IL1RAPL2: variants seen among roughly 807,000 people sequenced by gnomAD.
IL1RAPL2 encodes the protein X-linked interleukin-1 receptor accessory protein-like 2.
IL1RAPL2 carries 3 observed loss-of-function variants against 44.1 expected under a neutral mutation model. That is an observed-to-expected ratio of 0.07 (90% CI 0.03 to 0.18). The LOEUF is 0.18. Ranked by LOEUF, IL1RAPL2 falls within the 10% of genes least tolerant of loss-of-function variation. IL1RAPL2 has a pLI of 1.00. For missense variants in IL1RAPL2, 391 were observed against 496.4 expected, an observed-to-expected ratio of 0.79 and a Z score of 2.02; for synonymous variants, 181 against 178.8, an observed-to-expected ratio of 1.01 and a Z score of -0.10.
chrX:104,645,780 A>G (rs940932240), intron 1 of IL1RAPL2, among the ~76,000 whole-genome samples: 4 of 112,829 alleles, frequency 3.5e-5, no homozygotes, highest in Admixed American at 9.3e-5. Flanking sequence ...GAATAAATAA[A>G]TTAATGGATC....
chrX:104,733,832 G>T (rs990545658), intron 2 of IL1RAPL2, among the ~76,000 whole-genome samples: 1 of 110,612 alleles, frequency 9.0e-6, no homozygotes, highest in African/African-American at 3.3e-5. Context: ...GAAGGACACT[G>T]TGAAGAGGAT....
At chrX:104,729,869 G>A (rs188497180) in intron 2 of IL1RAPL2, among the ~76,000 whole-genome samples, 158 of 111,034 alleles carry the variant, frequency 1.4e-3, no homozygotes, top group Non-Finnish European at 2.5e-3. Flanking sequence ...AGTATTTCAC[G>A]GTGTTCATAT....
chrX:105,358,452 G>C (rs899951014), intron 5 of IL1RAPL2, among the ~76,000 whole-genome samples: 1 of 108,907 alleles, frequency 9.2e-6, no homozygotes, highest in African/African-American at 3.4e-5. Context: ...GAGGCAGGCA[G>C]GTCACTTGAG....
At chrX:105,030,094 G>T (rs960068444) in intron 2 of IL1RAPL2, among the ~76,000 whole-genome samples, 1 of 110,070 alleles carries the variant, frequency 9.1e-6, no homozygotes, top group Non-Finnish European at 1.9e-5. Context: ...CTTTTTGATG[G>T]GTTTGTTTTT....
intron 9 of IL1RAPL2, among the ~76,000 whole-genome samples, chrX:105,750,338 A>G (rs1483994196): frequency 1.1e-4 from 11 of 100,937 alleles, no homozygotes; most frequent in African/African-American, 3.7e-4. Context: ...CAGTGGTGCA[A>G]TCCTGGCTCA....
At chrX:105,698,458 T>G (rs1346330604) in intron 6 of IL1RAPL2, among the ~76,000 whole-genome samples, 1 of 111,831 alleles carries the variant, frequency 8.9e-6, no homozygotes, top group Non-Finnish European at 1.9e-5. Flanking sequence ...TAAGTAAAAT[T>G]TGAGTTGGTG....
At chrX:104,801,509 C>T (rs1312527864) in intron 2 of IL1RAPL2, among the ~76,000 whole-genome samples, 1 of 111,113 alleles carries the variant, frequency 9.0e-6, no homozygotes, top group Admixed American at 9.6e-5. Context: ...AAGTGGTACT[C>T]ATAACATCTT....
At chrX:104,983,164 C>T (rs1204431367) in intron 2 of IL1RAPL2, among the ~76,000 whole-genome samples, 1 of 109,238 alleles carries the variant, frequency 9.2e-6, no homozygotes, top group Non-Finnish European at 1.9e-5. Context: ...ACTTTCTACT[C>T]ATTGGGATGG....
At chrX:105,546,308 C>A (rs1351829623) in intron 6 of IL1RAPL2, among the ~76,000 whole-genome samples, 2 of 111,612 alleles carry the variant, frequency 1.8e-5, no homozygotes, top group Non-Finnish European at 3.8e-5. Context: ...TTCTTCAGAA[C>A]CTAATATGTA....
intron 1 of IL1RAPL2, among the ~76,000 whole-genome samples, chrX:104,581,185 T>G (rs1928337898): frequency 8.9e-6 from 1 of 112,140 alleles, no homozygotes; most frequent in Admixed American, 9.5e-5. Context: ...ATGATTTTAC[T>G]TGTTCCAATT....
intron 2 of IL1RAPL2, among the ~76,000 whole-genome samples, chrX:104,680,351 G>T (rs182460063): frequency 9.0e-6 from 1 of 111,443 alleles, no homozygotes; most frequent in Non-Finnish European, 1.9e-5. Context: ...ATGCAAAATT[G>T]TATGTGTGGG....
At chrX:105,091,764 G>C (rs757657627) in intron 2 of IL1RAPL2, among the ~76,000 whole-genome samples, 5 of 111,911 alleles carry the variant, frequency 4.5e-5, no homozygotes, top group Admixed American at 1.9e-4. Context: ...ATGAGTGCTA[G>C]AGTCATATCT....
intron 4 of IL1RAPL2, among the ~76,000 whole-genome samples, chrX:105,250,393 T>C (rs758967084): frequency 7.2e-5 from 8 of 111,201 alleles, no homozygotes; most frequent in Non-Finnish European, 1.5e-4. Flanking sequence ...CCTCCTTTAA[T>C]AACAATCTAT....
At chrX:105,298,261 C>A (rs2034669385) in intron 5 of IL1RAPL2, among the ~76,000 whole-genome samples, 1 of 111,458 alleles carries the variant, frequency 9.0e-6, no homozygotes, top group Non-Finnish European at 1.9e-5. Context: ...AACTTTGTAC[C>A]CTTTAACGAG....
intron 2 of IL1RAPL2, among the ~76,000 whole-genome samples, chrX:104,858,601 A>C (rs1219946280): frequency 2.7e-5 from 3 of 112,423 alleles, no homozygotes; most frequent in Non-Finnish European, 5.6e-5. Context: ...AAAAGAATTC[A>C]TGGATCAACT....
chrX:104,798,500 TAA>T (rs397895099), intron 2 of IL1RAPL2, among the ~76,000 whole-genome samples: 124 of 92,324 alleles, frequency 1.3e-3, no homozygotes, highest in Middle Eastern at 5.5e-3. Context: ...CTACTAAAAA[TAA>T]AAAAAAAAAA....
intron 2 of IL1RAPL2, among the ~76,000 whole-genome samples, chrX:104,711,950 G>GC (rs756490713): frequency 9.0e-6 from 1 of 111,269 alleles, no homozygotes; most frequent in South Asian, 3.7e-4. Context: ...AATCAGTGAG[G>GC]GAGGACTTGC....
rs771249461 is a variant in IL1RAPL2, at chrX:104,790,067, G to T, written c.82+131072G>T. 7.1e-5 allele frequency among the ~76,000 whole-genome samples: 8 copies of T among 112,251 alleles called. No individual in the cohort carries two copies. The South Asian group carries it at 3.0e-3, about 42-fold the overall frequency. On this transcript the variant is annotated intron_variant, in intron 2 of 10. Transcript: ENST00000372582. ...AACAGGCTGGGGAAGCTGGCACTCT[G>T]CAGAATTTTTATGGTGCTGCATGCA...
At chrX:104,705,753 G>A (rs1931354947) in intron 2 of IL1RAPL2, among the ~76,000 whole-genome samples, 1 of 111,397 alleles carries the variant, frequency 9.0e-6, no homozygotes, top group Non-Finnish European at 1.9e-5. Flanking sequence ...TTTTGAGTAT[G>A]GTTGGTTAGG....
Sources: gnomAD v4.1 joint callset for allele counts (sites outside exome capture counted in the v4.1 genomes callset) on GRCh38, gnomAD v4.1.1 for gene constraint, MANE v1.5 for transcripts, NCBI Gene and HGNC (gene_info 2026-07-23, HGNC 2026-07-21) for gene names.